Variants in PRMT3 observed in about 807,000 individuals in gnomAD.
PRMT3 encodes protein arginine N-methyltransferase 3.
A neutral mutation model predicts 71.9 loss-of-function variants in PRMT3; 62 were observed. The ratio of observed to expected loss-of-function variants is 0.86; its 90% confidence interval spans 0.70 to 1.07. PRMT3 has a LOEUF of 1.07. Among genes scored for constraint, PRMT3 ranks in the 50% least tolerant of loss-of-function variants. The pLI, the probability that PRMT3 is intolerant of heterozygous loss-of-function variation, is 0.00. For synonymous variants in PRMT3, 213 were observed against 220.4 expected, an observed-to-expected ratio of 0.97 and a Z score of 0.30; for missense variants, 663 against 643.0, an observed-to-expected ratio of 1.03 and a Z score of -0.34.
intron 15 of PRMT3, among the ~76,000 whole-genome samples, chr11:20,495,699 C>T (rs1851316407): frequency 1.3e-5 from 2 of 152,112 alleles, no homozygotes; most frequent in Non-Finnish European, 2.9e-5. Context: ...ATATATTTCA[C>T]TCTAAAAGTT....
intron 9 of PRMT3, among the ~76,000 whole-genome samples, chr11:20,415,517 C>T (rs1045623774): frequency 1.4e-5 from 2 of 138,682 alleles, no homozygotes; most frequent in Non-Finnish European, 3.2e-5. Flanking sequence ...AGGCAGACTT[C>T]CAAGGTATCT....
intron 13 of PRMT3, among the ~76,000 whole-genome samples, chr11:20,465,757 AT>A (rs1472274929): frequency 6.6e-6 from 1 of 152,082 alleles, no homozygotes; most frequent in Non-Finnish European, 1.5e-5. Flanking sequence ...CTCATTATTT[AT>A]TTAATTAACA....
chr11:20,467,250 G>A (rs1312869119), intron 13 of PRMT3, among the ~76,000 whole-genome samples: 1 of 152,152 alleles, frequency 6.6e-6, no homozygotes, highest in Non-Finnish European at 1.5e-5. Flanking sequence ...GGAAGGTAAC[G>A]TACATCAACA....
rs553036683 is a variant in PRMT3 at position 20,430,586 on chromosome 11, T to C, written c.993+3721T>C. ...TTTTATATTTTCATTTTTGTTTTTA[T>C]TTAAGAGAAGTTTTCTTTTTATTTT... On this transcript the variant is annotated intron_variant, in intron 10 of 15. Coordinates refer to ENST00000331079, the MANE Select transcript of PRMT3 (RefSeq NM_005788.4). Among the ~76,000 whole-genome samples, 9 of 152,278 alleles carry C rather than the reference T, an allele frequency of 5.9e-5. No homozygotes were observed. In the East Asian group the frequency reaches 1.5e-3, roughly 26 times the overall value.
At chr11:20,477,566 G>T (rs7937333) in intron 13 of PRMT3, among the ~76,000 whole-genome samples, 83,752 of 149,770 alleles carry the variant, frequency 0.56, 24,089 homozygotes, top group Middle Eastern at 0.68. Flanking sequence ...AAAAAAAAAA[G>T]AGTTGAAGAG....
At chr11:20,457,707 C>T (rs868182634) in intron 11 of PRMT3, among the ~76,000 whole-genome samples, 1 of 152,184 alleles carries the variant, frequency 6.6e-6, no homozygotes, top group Non-Finnish European at 1.5e-5. Context: ...ACCTTTTATA[C>T]AGCACTTCAC....
At chr11:20,452,708 G>A (rs1850177378) in intron 11 of PRMT3, among the ~76,000 whole-genome samples, 1 of 152,132 alleles carries the variant, frequency 6.6e-6, no homozygotes. Flanking sequence ...CATATAAAGG[G>A]ATCCTAATAA....
chr11:20,434,516 A>ATTTAAGTCTTTAGCCCATCTTAG (rs1849721817), intron 10 of PRMT3, among the ~76,000 whole-genome samples: 1 of 152,108 alleles, frequency 6.6e-6, no homozygotes, highest in Admixed American at 6.5e-5. Context: ...TGGGTTTTAC[A>ATTTAAGTCTTTAGCCCATCTTAG]TTTAAGTCTT....
chr11:20,503,174 C>A lies in PRMT3; in HGVS notation c.1487-5130C>A. ...AATTTTTTTTCATTTTTTATAGTCA[C>A]ATCTGTCAACCTTTTGCTTTTGGTG... On this transcript the variant is annotated intron_variant, in intron 15 of 15. Transcript: ENST00000331079. 1.3e-5 allele frequency among the ~76,000 whole-genome samples: 2 copies of A among 152,020 alleles called. 1 individual carries two copies. Among genetic ancestry groups the A allele is most frequent in the Admixed American group, 1.3e-4 (2 of 15,260 alleles).
intron 15 of PRMT3, among the ~76,000 whole-genome samples, chr11:20,496,229 A>C (rs989303507): frequency 6.6e-6 from 1 of 152,312 alleles, no homozygotes; most frequent in East Asian, 1.9e-4. Context: ...TATCTGGATC[A>C]GGTAAGTTAT....
At chr11:20,469,799 T>C (rs1021037523) in intron 13 of PRMT3, among the ~76,000 whole-genome samples, 2 of 151,758 alleles carry the variant, frequency 1.3e-5, no homozygotes, top group African/African-American at 2.4e-5. Flanking sequence ...TATATCTTAA[T>C]TTCAGCATTT....
intron 10 of PRMT3, among the ~76,000 whole-genome samples, chr11:20,430,539 C>G (rs960076147): frequency 1.3e-5 from 2 of 152,118 alleles, no homozygotes; most frequent in Non-Finnish European, 2.9e-5. Flanking sequence ...TAACAAATTT[C>G]CAGTTCTAGG....
At position 20,392,954 on chromosome 11, in the gene PRMT3, G is replaced by C. The variant is rs1457696999; in HGVS notation, c.355G>C (p.Glu119Gln). 1.2e-6 allele frequency: 2 copies of C among 1,606,882 alleles called. No individual in the cohort carries two copies. Among genetic ancestry groups the C allele is most frequent in the Non-Finnish European group, 1.7e-6 (2 of 1,173,600 alleles). The stretch of plus-strand genomic sequence containing the variant: ...CAACCCAGTGCCTTGGGAGAAAGAA[G>C]AGTATTTGAAGCCAGTATTAGAAGA... ...IYNPVPWEKE[E>Q]YLKPVLEDDL... Residue 119 changes from glutamate (E) to glutamine (Q), a missense_variant, in exon 5 of 16, where the codon GAG becomes CAG. Physicochemically the swap from Glu to Gln is conservative, Grantham distance 29 (BLOSUM62 2). Coordinates refer to ENST00000331079, the MANE Select transcript of PRMT3 (RefSeq NM_005788.4).
intron 15 of PRMT3, 76 bp from the exon 16 acceptor site, chr11:20,508,228 G>T: frequency 1.5e-6 from 1 of 678,518 alleles, no homozygotes; most frequent in Non-Finnish European, 2.6e-6. Flanking sequence ...AAAAAGAAGT[G>T]CTAGTTATAC....
intron 10 of PRMT3, among the ~76,000 whole-genome samples, chr11:20,434,638 T>A (rs1206671218): frequency 6.6e-6 from 1 of 152,168 alleles, no homozygotes; most frequent in African/African-American, 2.4e-5. Flanking sequence ...ATTGCTTGTT[T>A]TTGTCAGCTT....
intron 10 of PRMT3, among the ~76,000 whole-genome samples, chr11:20,440,992 C>T (rs1299201743): frequency 2.3e-5 from 1 of 43,126 alleles, no homozygotes; most frequent in Non-Finnish European, 1.4e-4. Context: ...AGTTTCACCT[C>T]TCCCTTTTTT....
intron 13 of PRMT3, among the ~76,000 whole-genome samples, chr11:20,468,096 G>C (rs900273981): frequency 6.6e-6 from 1 of 152,144 alleles, no homozygotes; most frequent in Admixed American, 6.5e-5. Flanking sequence ...AAGAATTAGC[G>C]AAGATATTGA....
chr11:20,399,457 C>T lies in PRMT3; in HGVS notation c.705+1736C>T, dbSNP rs907310074. Reference sequence around the variant, plus strand: ...AATAGATATGTTATTATAAGTAATACGTTATTTTAAGTCTCAGTGAATTTG... The same window carrying T: ...AATAGATATGTTATTATAAGTAATATGTTATTTTAAGTCTCAGTGAATTTG... On this transcript the variant is annotated intron_variant, in intron 7 of 15. Transcript: ENST00000331079. 1.6e-4 allele frequency among the ~76,000 whole-genome samples: 25 copies of T among 151,906 alleles called. 1 individual carries two copies. The highest frequency in any genetic ancestry group is 1.5e-4 in the Non-Finnish European group (10 of 67,990).
chr11:20,488,059 G>A (rs889794438), intron 13 of PRMT3, among the ~76,000 whole-genome samples: 14 of 152,088 alleles, frequency 9.2e-5, no homozygotes, highest in Non-Finnish European at 1.8e-4. Flanking sequence ...CTCTTGAGAC[G>A]TATATGGCAC....
Sources: gnomAD v4.1 joint callset for allele counts (sites outside exome capture counted in the v4.1 genomes callset) on GRCh38, gnomAD v4.1.1 for gene constraint, MANE v1.5 for transcripts, NCBI Gene and HGNC (gene_info 2026-07-23, HGNC 2026-07-21) for gene names.